PPOX: variants seen among roughly 807,000 people sequenced by gnomAD.
PPOX encodes the protein variegate porphyria.
A neutral mutation model predicts 54.1 loss-of-function variants in PPOX; 23 were observed. The ratio of observed to expected loss-of-function variants is 0.43; its 90% CI spans 0.31 to 0.60. The LOEUF (loss-of-function observed/expected upper bound fraction) is 0.60. Ranked by LOEUF, PPOX falls within the 20% of genes least tolerant of loss-of-function variation. The probability of loss-of-function intolerance (pLI) is 0.13; values close to 1 mark genes in which losing one functional copy is unlikely to be tolerated. For synonymous variants in PPOX, 224 were observed against 236.1 expected, an observed-to-expected ratio of 0.95 and a Z score of 0.47; for missense variants, 512 against 601.1, an observed-to-expected ratio of 0.85 and a Z score of 1.55.
At chr1:161,174,095 G>C, downstream of PPOX, 1 of 1,580,752 alleles carries the variant, frequency 6.3e-7, no homozygotes, top group South Asian at 1.1e-5. Flanking sequence ...TAGGTGGCAC[G>C]GAGAAAAGGG....
upstream of PPOX, chr1:161,166,292 C>T (rs1658861210): frequency 2.9e-6 from 3 of 1,019,610 alleles, no homozygotes; most frequent in South Asian, 7.3e-5. Context: ...GGTTAACCTC[C>T]AGCTCTTACA....
chr1:161,167,584 T>TG, intron 4 of PPOX, 98 bp downstream of exon 4: 7 of 1,088,800 alleles, frequency 6.4e-6, no homozygotes, highest in Non-Finnish European at 1.3e-6. Context: ...TTTTTTTTTT[T>TG]GAGACGGAGT....
chr1:161,170,196 G>C, intron 9 of PPOX, 172 bp downstream of exon 9: 1 of 917,758 alleles, frequency 1.1e-6, no homozygotes, highest in Admixed American at 2.0e-5. Context: ...GTGGTGGCTT[G>C]CACCTGTAAT....
chr1:161,170,131 C>A lies in PPOX; in HGVS notation c.987+107C>A. Reference sequence around the variant, plus strand: ...AACAAGGTCAGGAGTTCGAGACCAGCCTGGCCAACATGGTGAAACCCCATC... The same window carrying A: ...AACAAGGTCAGGAGTTCGAGACCAGACTGGCCAACATGGTGAAACCCCATC... On this transcript the variant is annotated intron_variant, in intron 9 of 12. Transcript: ENST00000367999. 3.0e-6 allele frequency: 4 copies of A among 1,349,668 alleles called. No homozygotes were observed. In the East Asian group the frequency reaches 1.0e-4, roughly 34 times the overall value. 83.6% of individuals were successfully genotyped at this position (1,349,668 alleles called of 1,614,324 possible). A position where few individuals can be genotyped will look rare whatever the true frequency, so the allele number is the denominator to read the frequency against.
downstream of PPOX, chr1:161,175,066 C>T (rs775377955): frequency 2.5e-5 from 41 of 1,613,910 alleles, no homozygotes; most frequent in East Asian, 3.1e-4. Context: ...GAGCAGCAGG[C>T]GCAGGTGGTG....
At chr1:161,169,824 T>C in intron 8 of PPOX, 82 bp from the exon 9 acceptor site, 1 of 1,614,006 alleles carries the variant, frequency 6.2e-7, no homozygotes, top group Non-Finnish European at 8.5e-7. Flanking sequence ...GAACTGGTCA[T>C]CTCTATGGGA....
At position 161,169,192 on chromosome 1, in the gene PPOX, A is replaced by AC; in HGVS notation, c.807+13dup. On this transcript the variant is annotated intron_variant, in intron 7 of 12. Coordinates refer to ENST00000367999, the MANE Select transcript of PPOX (RefSeq NM_001122764.3). ...CAGAAGGGCGCTGGAAGGTAGGGGA[A>AC]CCCCTGGAGTGTAATGAACCTGTCA... The AC allele has an allele frequency of 6.2e-7, 1 of 1,612,954 alleles. No individual in the cohort carries two copies.
chr1:161,166,074 C>T (rs1658787534), upstream of PPOX: 1 of 984,580 alleles, frequency 1.0e-6, no homozygotes, highest in Admixed American at 6.1e-5. Context: ...GTTTATGGAG[C>T]CGCCTCCCCG....
chr1:161,171,346 A>C, downstream of PPOX: 3 of 1,158,972 alleles, frequency 2.6e-6, no homozygotes, highest in Non-Finnish European at 3.7e-6. Flanking sequence ...ATATATCAAA[A>C]TCCCAGCCCC....
At chr1:161,174,694 T>A (rs1004236529), downstream of PPOX, among the ~76,000 whole-genome samples, 1 of 152,220 alleles carries the variant, frequency 6.6e-6, no homozygotes, top group Non-Finnish European at 1.5e-5. Context: ...GAGTCATACA[T>A]GTAACAAGTG....
At chr1:161,172,532 G>A (rs1661827291), downstream of PPOX, 2 of 575,614 alleles carry the variant, frequency 3.5e-6, no homozygotes, top group Non-Finnish European at 6.0e-6. Context: ...TCAGGGCCCA[G>A]TGCCAGTCAC....
chr1:161,168,661 C>T, intron 6 of PPOX, 85 bp downstream of exon 6: 1 of 1,531,012 alleles, frequency 6.5e-7, no homozygotes. Flanking sequence ...TTCAATGATT[C>T]TTTTTTTCTT....
chr1:161,169,194 C>T lies in PPOX; in HGVS notation c.807+11C>T, dbSNP rs367932406. On this transcript the variant is annotated intron_variant, in intron 7 of 12. Coordinates refer to ENST00000367999, the MANE Select transcript of PPOX (RefSeq NM_001122764.3). ...GAAGGGCGCTGGAAGGTAGGGGAAC[C>T]CCTGGAGTGTAATGAACCTGTCAGT... 1.6e-5 allele frequency: 26 copies of T among 1,613,062 alleles called. No homozygotes were observed. Among genetic ancestry groups the T allele is most frequent in the Non-Finnish European group, 2.1e-5 (25 of 1,179,966 alleles).
chr1:161,173,746 T>C, downstream of PPOX: 1 of 1,614,010 alleles, frequency 6.2e-7, no homozygotes, highest in Non-Finnish European at 8.5e-7. Context: ...AGAAAGATCC[T>C]TGCATACCCC....
intron 10 of PPOX, 25 bp downstream of exon 10, chr1:161,170,544 G>C (rs571782645): frequency 6.2e-7 from 1 of 1,614,178 alleles, no homozygotes; most frequent in Non-Finnish European, 8.5e-7. Context: ...ACTTTGCCTA[G>C]TGGCATTTCC....
chr1:161,167,049 C>T (rs1338580307), intron 2 of PPOX, 51 bp from the exon 3 acceptor site: 3 of 1,614,102 alleles, frequency 1.9e-6, no homozygotes, highest in Non-Finnish European at 2.5e-6. Context: ...CTCCTGACCT[C>T]TCGCCGGCGG....
chr1:161,177,089 T>C (rs1474759217), downstream of PPOX: 6 of 1,468,484 alleles, frequency 4.1e-6, no homozygotes, highest in Non-Finnish European at 5.5e-6. Flanking sequence ...CTAGCGGGGG[T>C]GGGGAGGAGG....
downstream of PPOX, chr1:161,171,880 C>T (rs367641577): frequency 1.6e-5 from 26 of 1,614,166 alleles, 1 homozygote; most frequent in Middle Eastern, 6.6e-4. Context: ...GGCTGGGGGC[C>T]GGCGTTGCAG....
chr1:161,167,320 G>A (rs981024281), intron 3 of PPOX, 51 bp from the exon 4 acceptor site: 1 of 1,614,090 alleles, frequency 6.2e-7, no homozygotes, highest in Admixed American at 1.7e-5. Context: ...TATGTTTGGT[G>A]GGTCAGATCT....
Sources: allele counts gnomAD v4.1 joint callset (sites outside exome capture counted in the v4.1 genomes callset), GRCh38; gene constraint gnomAD v4.1.1; transcripts MANE v1.5; gene names NCBI Gene and HGNC (gene_info 2026-07-23, HGNC 2026-07-21).